The following PLXNA4 variants were observed in gnomAD, a reference collection of about 807,000 sequenced individuals.
The protein encoded by PLXNA4 is plexin A4, also known as plexin-A4.
In PLXNA4, 44 loss-of-function variants were observed where a neutral mutation model predicts 191.8. The ratio of observed to expected loss-of-function variants is 0.23; its 90% CI spans 0.18 to 0.29. The LOEUF is 0.29. Among genes scored for constraint, PLXNA4 ranks in the 10% least tolerant of loss-of-function variants. PLXNA4 has a pLI of 1.00. For synonymous variants in PLXNA4, 1,082 were observed against 1,009.5 expected (o/e 1.07, Z -1.36); for missense variants, 1,800 against 2,488.8 (o/e 0.72, Z 5.89).
chr7:132,496,578 T>C (rs1362735022), intron 2 of PLXNA4, among the ~76,000 whole-genome samples: 2 of 152,162 alleles, frequency 1.3e-5, no homozygotes, highest in Non-Finnish European at 2.9e-5. Flanking sequence ...ATTTTTTTAT[T>C]TTTAGTAGAG....
chr7:132,478,939 TCCAG>T (rs1797231185), intron 3 of PLXNA4, among the ~76,000 whole-genome samples: 1 of 152,068 alleles, frequency 6.6e-6, no homozygotes, highest in South Asian at 2.1e-4. Context: ...AGAAGCCTTC[TCCAG>T]CAGGGGAGAA....
At chr7:132,496,151 A>C (rs913323179) in intron 2 of PLXNA4, among the ~76,000 whole-genome samples, 13 of 152,218 alleles carry the variant, frequency 8.5e-5, no homozygotes, top group African/African-American at 3.1e-4. Context: ...ACTTTGAGGA[A>C]GAGGCGAGGT....
At chr7:132,563,927 T>A (rs1269382955) in intron 1 of PLXNA4, among the ~76,000 whole-genome samples, 1 of 85,232 alleles carries the variant, frequency 1.2e-5, no homozygotes. Flanking sequence ...TTCTCCTCCT[T>A]TTCCTCGTCC....
At chr7:132,411,339 G>C (rs1364005410) in intron 3 of PLXNA4, among the ~76,000 whole-genome samples, 1 of 152,130 alleles carries the variant, frequency 6.6e-6, no homozygotes, top group Non-Finnish European at 1.5e-5. Context: ...ACCTGTTCGG[G>C]CTTCACCCTG....
At chr7:132,632,235 C>CAA (rs398006359) in intron 2 of PLXNA4, among the ~76,000 whole-genome samples, 244 of 78,152 alleles carry the variant, frequency 3.1e-3, no homozygotes, top group African/African-American at 5.2e-3. Context: ...GACTCCATCT[C>CAA]AAAAAAAAAA....
chr7:132,329,970 A>G (rs548569537), intron 3 of PLXNA4, among the ~76,000 whole-genome samples: 274 of 152,324 alleles, frequency 1.8e-3, no homozygotes, highest in African/African-American at 6.0e-3. Flanking sequence ...TACCCTGTCT[A>G]AGAGACCTTA....
At chr7:132,496,607 G>T (rs911370047) in intron 2 of PLXNA4, among the ~76,000 whole-genome samples, 6 of 152,054 alleles carry the variant, frequency 3.9e-5, no homozygotes, top group African/African-American at 1.4e-4. Flanking sequence ...TCACTATGTT[G>T]GCCAGGCTGG....
chr7:132,545,397 G>T (rs1800258124), intron 1 of PLXNA4, among the ~76,000 whole-genome samples: 1 of 152,194 alleles, frequency 6.6e-6, no homozygotes, highest in Admixed American at 6.5e-5. Context: ...CACTCACACT[G>T]AACCCCCAGC....
At chr7:132,263,389 C>A (rs746017153) in intron 4 of PLXNA4, among the ~76,000 whole-genome samples, 1 of 152,216 alleles carries the variant, frequency 6.6e-6, no homozygotes, top group Non-Finnish European at 1.5e-5. Context: ...CCCCGTGGCA[C>A]CCCATCAGAG....
rs1794790403 is a variant in PLXNA4, at chr7:132,127,132, A to G, written c.*3347T>C. 1 of 152,190 alleles carries G rather than the reference A, an allele frequency of 6.6e-6. No homozygotes were observed. The highest frequency in any genetic ancestry group is 6.5e-5 in the Admixed American group (1 of 15,276). 9.4% of individuals were successfully genotyped at this position (152,190 alleles called of 1,614,324 possible). On this transcript the variant is annotated 3_prime_UTR_variant, in exon 32 of 32. Coordinates refer to ENST00000321063, the MANE Select transcript of PLXNA4 (RefSeq NM_020911.2). ...AGCCCCCTTCTTCCCTGCTACCTTAAGCCCTTCTCTCTCCAACATGCAAAA... is the reference window on the plus strand; with the variant it reads ...AGCCCCCTTCTTCCCTGCTACCTTAGGCCCTTCTCTCTCCAACATGCAAAA...
intron 17 of PLXNA4, 54 bp downstream of exon 17, chr7:132,182,043 G>A: frequency 6.2e-7 from 1 of 1,612,900 alleles, no homozygotes; most frequent in Non-Finnish European, 8.5e-7. Context: ...ACCCTTTGGG[G>A]AAGCAACGTG....
chr7:132,527,879 C>T (rs1363141815), intron 1 of PLXNA4, among the ~76,000 whole-genome samples: 1 of 152,134 alleles, frequency 6.6e-6, no homozygotes, highest in African/African-American at 2.4e-5. Context: ...CACAGAGGCA[C>T]GAGAACAGAG....
intron 3 of PLXNA4, among the ~76,000 whole-genome samples, chr7:132,420,608 T>C (rs1476220666): frequency 6.6e-6 from 1 of 152,222 alleles, no homozygotes; most frequent in Non-Finnish European, 1.5e-5. Flanking sequence ...TTTTAACAAT[T>C]TTTTTAAGTG....
chr7:132,187,807 T>C (rs1242824430), intron 14 of PLXNA4, among the ~76,000 whole-genome samples, 200 bp from the exon 15 acceptor site: 1 of 152,200 alleles, frequency 6.6e-6, no homozygotes, highest in African/African-American at 2.4e-5. Context: ...CATGCCTATC[T>C]TAGTAATAGT....
intron 3 of PLXNA4, among the ~76,000 whole-genome samples, chr7:132,303,697 G>A (rs571790336): frequency 2.6e-5 from 4 of 152,306 alleles, no homozygotes; most frequent in Admixed American, 1.3e-4. Context: ...TTGACGGAGC[G>A]ACACATCCCA....
At chr7:132,556,664 T>C (rs757472946) in intron 1 of PLXNA4, among the ~76,000 whole-genome samples, 4 of 152,236 alleles carry the variant, frequency 2.6e-5, no homozygotes, top group Non-Finnish European at 5.9e-5. Flanking sequence ...AGTGAATCAA[T>C]GGTTATTTGT....
chr7:132,431,301 C>G (rs1035571777), intron 3 of PLXNA4, among the ~76,000 whole-genome samples: 1 of 152,088 alleles, frequency 6.6e-6, no homozygotes, highest in Admixed American at 6.5e-5. Context: ...TGACCACAGT[C>G]CACAATCACT....
chr7:132,430,522 G>A (rs1795219230), intron 3 of PLXNA4, among the ~76,000 whole-genome samples: 1 of 152,164 alleles, frequency 6.6e-6, no homozygotes, highest in Non-Finnish European at 1.5e-5. Context: ...CTGACAAGAT[G>A]AGTCGGATTA....
Position 132,207,721 on chromosome 7 carries a change from TG to T in PLXNA4, c.2298+3221del, listed in dbSNP as rs547228535. ...ACCTCCTTCTGCCATCACAAACTCA[TG>T]GATTTCTTTGTTAGATCCCTTGTCC... On this transcript the variant is annotated intron_variant, in intron 10 of 31. Coordinates refer to ENST00000321063, the MANE Select transcript of PLXNA4 (RefSeq NM_020911.2). Among the ~76,000 whole-genome samples, 266 of 152,364 alleles carry T rather than the reference TG, an allele frequency of 1.7e-3. 2 individuals are homozygous for T. The highest frequency in any genetic ancestry group is 6.2e-3 in the African/African-American group (256 of 41,594).
Sources: gnomAD v4.1 joint callset for allele counts (sites outside exome capture counted in the v4.1 genomes callset) on GRCh38, gnomAD v4.1.1 for gene constraint, MANE v1.5 for transcripts, NCBI Gene and HGNC (gene_info 2026-07-23, HGNC 2026-07-21) for gene names.